HIBADH: variants seen among roughly 807,000 people sequenced by gnomAD.
The protein encoded by HIBADH is 3-hydroxyisobutyrate dehydrogenase, mitochondrial.
HIBADH carries 25 observed loss-of-function variants against 36.1 expected under a neutral mutation model. The ratio of observed to expected loss-of-function variants is 0.69; its 90% CI spans 0.50 to 0.97. The LOEUF (loss-of-function observed/expected upper bound fraction) is 0.97. Among genes scored for constraint, HIBADH ranks in the 50% least tolerant of loss-of-function variants. The pLI is 0.00. For missense variants in HIBADH, 421 were observed against 418.0 expected (o/e 1.01, Z -0.06); for synonymous variants, 160 against 149.5 (o/e 1.07, Z -0.51).
intron 4 of HIBADH, among the ~76,000 whole-genome samples, chr7:27,582,876 A>T (rs1784813441): frequency 6.6e-6 from 1 of 152,110 alleles, no homozygotes; most frequent in Admixed American, 6.6e-5. Flanking sequence ...AAATTCTTTA[A>T]CCTCTTTATG....
intron 4 of HIBADH, among the ~76,000 whole-genome samples, chr7:27,588,068 A>G (rs2128288547): frequency 6.6e-6 from 1 of 152,362 alleles, no homozygotes; most frequent in African/African-American, 2.4e-5. Flanking sequence ...TCCCCAAGAA[A>G]TGTTTCTAAT....
At chr7:27,555,011 GTAAC>G in intron 4 of HIBADH, among the ~76,000 whole-genome samples, 1 of 152,228 alleles carries the variant, frequency 6.6e-6, no homozygotes, top group South Asian at 2.1e-4. Flanking sequence ...TTAAGGAAAG[GTAAC>G]TAACCAGATT....
chr7:27,568,652 A>G (rs1252126572), intron 4 of HIBADH, among the ~76,000 whole-genome samples: 2 of 151,912 alleles, frequency 1.3e-5, no homozygotes, highest in Non-Finnish European at 2.9e-5. Flanking sequence ...TTGTATTTTA[A>G]TAGTGACAGG....
intron 4 of HIBADH, among the ~76,000 whole-genome samples, chr7:27,598,026 C>T (rs1785059273): frequency 1.3e-5 from 2 of 152,156 alleles, no homozygotes; most frequent in South Asian, 4.1e-4. Flanking sequence ...TGATTAGAAT[C>T]TCCTACTTGT....
intron 4 of HIBADH, among the ~76,000 whole-genome samples, chr7:27,615,704 C>T (rs116254531): frequency 0.011 from 1,629 of 152,244 alleles, 25 homozygotes; most frequent in African/African-American, 0.037. Context: ...GCACATAATA[C>T]TTGCTAATGA....
At position 27,662,724 on chromosome 7, in the gene HIBADH, C is replaced by T; in HGVS notation, c.65G>A (p.Arg22Gln). 7.2e-7 allele frequency: 1 copy of T among 1,384,544 alleles called. No individual in the cohort carries two copies. The highest frequency in any genetic ancestry group is 9.4e-7 in the Non-Finnish European group (1 of 1,063,616). The allele number at this position is 1,384,544 out of a possible 1,614,324, so 85.8% of individuals were successfully genotyped here. ...SGLRYWSRRLRPAAGSFAAVC... is the reference protein window; with the variant it reads ...SGLRYWSRRLQPAAGSFAAVC... ...CGCTGCAAAGCTGCCGGCTGCCGGC[C>T]GCAGCCGCCGGCTCCAGTACCGGAG... Residue 22 changes from arginine to glutamine, a missense_variant, in exon 1 of 8, where the codon CGG becomes CAG. Arg to Gln is a conservative substitution (Grantham distance 43). Coordinates refer to ENST00000265395, the MANE Select transcript of HIBADH (RefSeq NM_152740.4).
At chr7:27,626,627 G>C (rs761220664) in intron 4 of HIBADH, among the ~76,000 whole-genome samples, 3 of 152,010 alleles carry the variant, frequency 2.0e-5, no homozygotes, top group Admixed American at 6.5e-5. Flanking sequence ...AGGAAGTAGG[G>C]GGAAACGCTT....
chr7:27,574,868 A>C (rs756134643), intron 4 of HIBADH, among the ~76,000 whole-genome samples: 2 of 152,336 alleles, frequency 1.3e-5, no homozygotes, highest in African/African-American at 2.4e-5. Flanking sequence ...TACCATTTTA[A>C]ATTATAAAAT....
intron 4 of HIBADH, among the ~76,000 whole-genome samples, chr7:27,554,421 T>G (rs71539525): frequency 0.16 from 23,960 of 152,248 alleles, 2,067 homozygotes; most frequent in Middle Eastern, 0.19. Flanking sequence ...TATTTTCCTG[T>G]AAGTTTCACA....
chr7:27,579,508 TGAAG>T (rs533258700), intron 4 of HIBADH, among the ~76,000 whole-genome samples: 92 of 152,330 alleles, frequency 6.0e-4, no homozygotes, highest in African/African-American at 2.1e-3. Flanking sequence ...CAAATACCAA[TGAAG>T]GTAGTTATCT....
intron 1 of HIBADH, among the ~76,000 whole-genome samples, chr7:27,658,816 C>T (rs902728636): frequency 6.6e-6 from 1 of 152,142 alleles, no homozygotes; most frequent in Non-Finnish European, 1.5e-5. Flanking sequence ...TCACATAATA[C>T]TACGTCATAA....
chr7:27,612,112 G>A (rs1353078450), intron 4 of HIBADH, among the ~76,000 whole-genome samples: 2 of 151,766 alleles, frequency 1.3e-5, no homozygotes, highest in Non-Finnish European at 2.9e-5. Flanking sequence ...CTTATCCCTA[G>A]TGCCTTCTTT....
rs182364722 is a variant in HIBADH, at chr7:27,611,407, T to C, written c.484+17964A>G. On this transcript the variant is annotated intron_variant, in intron 4 of 7. Coordinates refer to ENST00000265395, the MANE Select transcript of HIBADH (RefSeq NM_152740.4). Reference sequence around the variant, plus strand: ...ACTAGCAATAGTTTTTAATTTAGTTTTAATTTGCTGTATGTCTAGCATTCA... The same window carrying C: ...ACTAGCAATAGTTTTTAATTTAGTTCTAATTTGCTGTATGTCTAGCATTCA... Among the ~76,000 whole-genome samples the C allele has an allele frequency of 2.9e-3, 438 of 152,270 alleles. 2 individuals are homozygous for C. The highest frequency in any genetic ancestry group is 5.0e-3 in the Non-Finnish European group (341 of 68,008).
chr7:27,604,168 T>A (rs1468842196), intron 4 of HIBADH, among the ~76,000 whole-genome samples: 2 of 152,128 alleles, frequency 1.3e-5, no homozygotes, highest in Non-Finnish European at 2.9e-5. Context: ...CCCTAACAAG[T>A]AAGAATTGTT....
At chr7:27,574,261 C>G (rs536313173) in intron 4 of HIBADH, among the ~76,000 whole-genome samples, 2 of 150,904 alleles carry the variant, frequency 1.3e-5, no homozygotes, top group African/African-American at 4.9e-5. Flanking sequence ...AATTTCAGAT[C>G]CCACAGCTTA....
intron 2 of HIBADH, among the ~76,000 whole-genome samples, chr7:27,645,671 C>G (rs1786056200): frequency 6.6e-6 from 1 of 152,056 alleles, no homozygotes; most frequent in Non-Finnish European, 1.5e-5. Flanking sequence ...CATAAGCCAC[C>G]TCACCCGGCT....
intron 4 of HIBADH, among the ~76,000 whole-genome samples, chr7:27,558,747 T>C (rs573021526): frequency 2.2e-4 from 33 of 152,282 alleles, no homozygotes; most frequent in African/African-American, 7.7e-4. Context: ...CTATAAAATC[T>C]CTTCCACAGT....
intron 2 of HIBADH, among the ~76,000 whole-genome samples, chr7:27,645,905 G>T (rs1004141248): frequency 6.6e-6 from 1 of 152,044 alleles, no homozygotes; most frequent in Non-Finnish European, 1.5e-5. Context: ...TCTGTGAATT[G>T]TTTTTCACTT....
chr7:27,635,572 TAGAC>T (rs941354129), intron 2 of HIBADH, among the ~76,000 whole-genome samples: 10 of 152,202 alleles, frequency 6.6e-5, no homozygotes, highest in East Asian at 1.9e-4. Context: ...AAAGGAAACT[TAGAC>T]AGATATTTTT....
Sources: gnomAD v4.1 joint callset for allele counts (sites outside exome capture counted in the v4.1 genomes callset) on GRCh38, gnomAD v4.1.1 for gene constraint, MANE v1.5 for transcripts, NCBI Gene and HGNC (gene_info 2026-07-23, HGNC 2026-07-21) for gene names.